Variants in CIB1 observed in about 807,000 individuals in gnomAD.
CIB1 encodes calcium and integrin binding 1.
In CIB1, 19 loss-of-function variants were observed where a neutral mutation model predicts 25.0. The observed-to-expected ratio is 0.76, with a 90% CI of 0.53 to 1.12. The LOEUF is 1.12. Ranked by LOEUF, CIB1 falls within the 50% of genes most tolerant of loss-of-function variation. CIB1 has a pLI of 0.00. For missense variants in CIB1, 236 were observed against 242.6 expected (o/e 0.97, Z 0.18); for synonymous variants, 104 against 98.5 (o/e 1.06, Z -0.33).
chr15:90,257,163 T>C, the CIB1 span: 29 of 1,613,562 alleles, frequency 1.8e-5, no homozygotes, highest in East Asian at 3.6e-4. Flanking sequence ...GGCTTCAAGT[T>C]TGATATGCGA....
At chr15:90,258,775 A>G in the CIB1 span, 1 of 1,614,192 alleles carries the variant, frequency 6.2e-7, no homozygotes, top group Non-Finnish European at 8.5e-7. Flanking sequence ...CCACGGACTC[A>G]TGCCTTGATC....
At chr15:90,262,847 AC>A in the CIB1 span, 1 of 1,281,618 alleles carries the variant, frequency 7.8e-7, no homozygotes, top group East Asian at 2.5e-5. Context: ...AGCAAAAGGA[AC>A]CTTCCTGGGT....
the CIB1 span, chr15:90,257,315 T>C: frequency 1.9e-6 from 3 of 1,588,532 alleles, no homozygotes; most frequent in Admixed American, 5.6e-5. Context: ...TCTTTTCCAC[T>C]GCCAAAAGTG....
chr15:90,255,628 G>A, the CIB1 span: 4 of 1,365,240 alleles, frequency 2.9e-6, no homozygotes, highest in South Asian at 1.3e-5. Context: ...GGTCCTTGGT[G>A]CAGTGCTTAC....
the CIB1 span, chr15:90,256,346 G>A: frequency 6.2e-7 from 1 of 1,610,336 alleles, no homozygotes; most frequent in Non-Finnish European, 8.5e-7. Context: ...CCAGCACTGG[G>A]CTGCCTCATC....
In CIB1 at chr15:90,232,224, G is replaced by A. The variant is rs766963180; in HGVS notation, c.190C>T (p.Leu64Phe). 1.9e-6 allele frequency: 3 copies of A among 1,609,874 alleles called. No individual in the cohort carries two copies. In the African/African-American group the frequency reaches 4.0e-5, roughly 21 times the overall value. ...AAGGAGGGGAGCGCTTGCACCTTGAGCTCTGGAAGGCTGAGAATCTGCTCG... is the reference window on the plus strand; with the variant it reads ...AAGGAGGGGAGCGCTTGCACCTTGAACTCTGGAAGGCTGAGAATCTGCTCG... Reference protein sequence around the residue: ...PFEQILSLPELKANPFKERIC... With the variant: ...PFEQILSLPEFKANPFKERIC... The change falls in exon 3 of 7, where the codon CTC becomes TTC. Residue 64 changes from leucine (L) to phenylalanine (F), a missense_variant. By Grantham distance (22) the Leu-to-Phe change is conservative. Transcript: ENST00000328649.
intron 3 of CIB1, 64 bp downstream of exon 3, chr15:90,232,155 G>T: frequency 7.7e-7 from 1 of 1,290,398 alleles, no homozygotes; most frequent in Non-Finnish European, 1.1e-6. Context: ...GTGGCAGATG[G>T]AGTTAGGGGG....
At chr15:90,262,825 G>A in the CIB1 span, 1 of 1,234,886 alleles carries the variant, frequency 8.1e-7, no homozygotes, top group East Asian at 2.6e-5. Context: ...AAGATGAAGT[G>A]AGAGAATGGA....
At chr15:90,265,727 G>A in the CIB1 span, 4 of 1,613,246 alleles carry the variant, frequency 2.5e-6, no homozygotes, top group African/African-American at 2.7e-5. Flanking sequence ...CGGTTACCCT[G>A]AGTCTCTTGC....
At chr15:90,264,881 A>T in the CIB1 span, 4 of 1,536,140 alleles carry the variant, frequency 2.6e-6, no homozygotes, top group Admixed American at 2.0e-5. Flanking sequence ...CTCTGAACAC[A>T]GAGCAGCCAA....
the CIB1 span, among the ~76,000 whole-genome samples, chr15:90,256,577 CTTTCTTTCTTTCTTTCTTTCTTTCT>C: frequency 0.012 from 668 of 56,860 alleles, 22 homozygotes; most frequent in East Asian, 0.045. Context: ...TTCTTTCTTT[CTTTCTTTCTTTCTTTCTTTCTTTCT>C]TTCTTTCCTT....
the CIB1 span, among the ~76,000 whole-genome samples, chr15:90,261,798 A>G: frequency 6.6e-6 from 1 of 152,198 alleles, no homozygotes; most frequent in African/African-American, 2.4e-5. Context: ...AAAGAAAAGC[A>G]AATCAGATTT....
At chr15:90,260,570 C>T in the CIB1 span, among the ~76,000 whole-genome samples, 2 of 151,396 alleles carry the variant, frequency 1.3e-5, no homozygotes, top group East Asian at 1.9e-4. Context: ...AGCAAGCAAG[C>T]GGCCAGGTGC....
the CIB1 span, chr15:90,262,946 A>C: frequency 1.9e-5 from 29 of 1,531,380 alleles, no homozygotes; most frequent in African/African-American, 2.7e-5. Flanking sequence ...TCCTGCATTT[A>C]TCTCTCATGT....
upstream of CIB1, among the ~76,000 whole-genome samples, chr15:90,237,763 C>T (rs1171593299): frequency 6.6e-6 from 1 of 151,620 alleles, no homozygotes; most frequent in Non-Finnish European, 1.5e-5. Flanking sequence ...ATTTTTTCGC[C>T]TGTCAGATAA....
chr15:90,241,828 C>T, the CIB1 span: 243,306 of 1,614,036 alleles, frequency 0.15, 19,761 homozygotes, highest in African/African-American at 0.21. Flanking sequence ...TCAGCCCTCA[C>T]AGGGGTCCGA....
the CIB1 span, among the ~76,000 whole-genome samples, chr15:90,255,341 G>A: frequency 1.3e-5 from 2 of 152,192 alleles, no homozygotes; most frequent in Non-Finnish European, 2.9e-5. Flanking sequence ...CATTCCTTGG[G>A]GCTGGTTCTT....
At chr15:90,257,014 A>G in the CIB1 span, 1 of 955,932 alleles carries the variant, frequency 1.0e-6, no homozygotes, top group Non-Finnish European at 1.5e-6. Flanking sequence ...GGGAGTAATA[A>G]CAGTAACTAT....
the CIB1 span, chr15:90,241,378 T>C: frequency 6.2e-7 from 1 of 1,614,074 alleles, no homozygotes; most frequent in Non-Finnish European, 8.5e-7. Context: ...CTGGTGGTGA[T>C]CAACGTCAGC....
Sources: allele counts gnomAD v4.1 joint callset (sites outside exome capture counted in the v4.1 genomes callset), GRCh38; gene constraint gnomAD v4.1.1; transcripts MANE v1.5; gene names NCBI Gene and HGNC (gene_info 2026-07-23, HGNC 2026-07-21).